The following GRXCR1 variants were observed in gnomAD, a reference collection of about 807,000 sequenced individuals.
The protein encoded by GRXCR1 is glutaredoxin domain-containing cysteine-rich protein 1.
Under a neutral mutation model 27.3 loss-of-function variants are expected in GRXCR1, and 27 were observed. The observed-to-expected ratio is 0.99, with a 90% confidence interval of 0.73 to 1.37. GRXCR1 has a LOEUF of 1.37. Among genes scored for constraint, GRXCR1 ranks in the 40% most tolerant of loss-of-function variants. GRXCR1 has a pLI of 0.00. For synonymous variants in GRXCR1, 122 were observed against 131.1 expected, an observed-to-expected ratio of 0.93 and a Z score of 0.47; for missense variants, 379 against 354.4, an observed-to-expected ratio of 1.07 and a Z score of -0.56.
At chr4:42,995,349 C>T (rs1216543071) in intron 2 of GRXCR1, among the ~76,000 whole-genome samples, 2 of 152,168 alleles carry the variant, frequency 1.3e-5, no homozygotes, top group African/African-American at 4.8e-5. Flanking sequence ...GCACCTTTTA[C>T]TATAAAGAGT....
rs1748404954 is a variant in GRXCR1 at position 42,972,202 on chromosome 4, C to T, written c.627+9068C>T. Among the ~76,000 whole-genome samples the T allele has an allele frequency of 2.0e-5, 3 of 152,136 alleles. No individual in the cohort carries two copies. In the South Asian group the frequency reaches 6.2e-4, roughly 32 times the overall value. On this transcript the variant is annotated intron_variant, in intron 2 of 3. Transcript: ENST00000399770. Reference sequence around the variant, plus strand: ...CATTTTTTATTATTTAACTATGGAACTGATGAAATTTAGGTTTTTATTACT... The same window carrying T: ...CATTTTTTATTATTTAACTATGGAATTGATGAAATTTAGGTTTTTATTACT...
intron 2 of GRXCR1, among the ~76,000 whole-genome samples, chr4:42,968,454 C>A (rs973390265): frequency 2.6e-5 from 4 of 152,098 alleles, no homozygotes; most frequent in African/African-American, 9.7e-5. Flanking sequence ...AATAATGGTT[C>A]TTTTCCACAC....
intron 1 of GRXCR1, among the ~76,000 whole-genome samples, chr4:42,916,976 A>G (rs1419514263): frequency 1.3e-5 from 2 of 152,186 alleles, no homozygotes; most frequent in African/African-American, 4.8e-5. Context: ...TTGAGGATCA[A>G]TAGATTGACA....
intron 2 of GRXCR1, among the ~76,000 whole-genome samples, chr4:42,995,554 A>G (rs990113892): frequency 2.0e-5 from 3 of 152,164 alleles, no homozygotes; most frequent in African/African-American, 7.2e-5. Flanking sequence ...CCACATCCTC[A>G]CTGCAGGAGA....
At chr4:42,987,810 A>G (rs1711828992) in intron 2 of GRXCR1, among the ~76,000 whole-genome samples, 1 of 152,206 alleles carries the variant, frequency 6.6e-6, no homozygotes, top group African/African-American at 2.4e-5. Context: ...TTCCAGATCA[A>G]TTTAGATCTC....
chr4:42,931,768 A>G (rs140857844), intron 1 of GRXCR1, among the ~76,000 whole-genome samples: 3 of 152,064 alleles, frequency 2.0e-5, no homozygotes, highest in Non-Finnish European at 4.4e-5. Context: ...AACAATTTCC[A>G]AGAATATGAT....
At chr4:43,012,350 T>G (rs1259045665) in intron 2 of GRXCR1, among the ~76,000 whole-genome samples, 5 of 152,224 alleles carry the variant, frequency 3.3e-5, no homozygotes, top group African/African-American at 1.2e-4. Flanking sequence ...CTCAATATCT[T>G]GTATAAGAAA....
At chr4:42,931,936 G>A (rs193258448) in intron 1 of GRXCR1, among the ~76,000 whole-genome samples, 2 of 151,904 alleles carry the variant, frequency 1.3e-5, no homozygotes, top group Non-Finnish European at 2.9e-5. Context: ...AGCAAGGGAC[G>A]TCTTACATGG....
At chr4:42,899,687 T>C (rs1347210239) in intron 1 of GRXCR1, among the ~76,000 whole-genome samples, 1 of 152,072 alleles carries the variant, frequency 6.6e-6, no homozygotes, top group Non-Finnish European at 1.5e-5. Context: ...TAGAAGTGAA[T>C]AACAGTGACT....
intron 2 of GRXCR1, among the ~76,000 whole-genome samples, chr4:43,009,706 G>A (rs1289729177): frequency 6.6e-6 from 1 of 151,912 alleles, no homozygotes. Context: ...CTTTTATAAG[G>A]GCATTAATCC....
chr4:43,017,891 T>C (rs1259249992), intron 2 of GRXCR1, among the ~76,000 whole-genome samples: 2 of 152,198 alleles, frequency 1.3e-5, no homozygotes, highest in East Asian at 1.9e-4. Flanking sequence ...AGAAAAAGTG[T>C]GGCAATGAGA....
intron 2 of GRXCR1, among the ~76,000 whole-genome samples, chr4:42,983,817 T>G (rs1210824487): frequency 1.3e-5 from 2 of 151,668 alleles, no homozygotes; most frequent in African/African-American, 4.8e-5. Context: ...TAACCTGTCT[T>G]TATGTTCAGA....
At chr4:42,974,178 G>T (rs1429477489) in intron 2 of GRXCR1, among the ~76,000 whole-genome samples, 8 of 152,082 alleles carry the variant, frequency 5.3e-5, no homozygotes, top group Non-Finnish European at 2.9e-5. Context: ...CTGGGCTGGG[G>T]TTTTTAAGTG....
chr4:42,981,745 G>T (rs529250474), intron 2 of GRXCR1, among the ~76,000 whole-genome samples: 25 of 152,158 alleles, frequency 1.6e-4, no homozygotes, highest in African/African-American at 4.6e-4. Context: ...TACTTTTAAT[G>T]TATCATCCCC....
At chr4:42,895,876 C>A (rs917527500) in intron 1 of GRXCR1, among the ~76,000 whole-genome samples, 1 of 151,934 alleles carries the variant, frequency 6.6e-6, no homozygotes, top group African/African-American at 2.4e-5. Flanking sequence ...TATGACTTTT[C>A]CCCCTATATA....
chr4:42,932,184 C>T (rs919185536), intron 1 of GRXCR1, among the ~76,000 whole-genome samples: 1 of 151,816 alleles, frequency 6.6e-6, no homozygotes, highest in African/African-American at 2.4e-5. Context: ...GCTTATTTCT[C>T]CTGTCTTATT....
At chr4:43,021,217 T>G (rs905181389) in intron 3 of GRXCR1, among the ~76,000 whole-genome samples, 1 of 152,194 alleles carries the variant, frequency 6.6e-6, no homozygotes, top group Non-Finnish European at 1.5e-5. Context: ...TGGCTTCTCA[T>G]GCTTTCTTAC....
chr4:42,932,939 C>A (rs962492549), intron 1 of GRXCR1, among the ~76,000 whole-genome samples: 9 of 151,462 alleles, frequency 5.9e-5, no homozygotes, highest in Admixed American at 6.6e-5. Context: ...CTTTTTCAAA[C>A]TAAGGAAAGG....
intron 2 of GRXCR1, among the ~76,000 whole-genome samples, chr4:42,974,524 C>T (rs28472849): frequency 0.039 from 5,887 of 152,156 alleles, 392 homozygotes; most frequent in African/African-American, 0.13. Context: ...ATCACTAATG[C>T]GGAATGTGCT....
Sources: allele counts gnomAD v4.1 joint callset (sites outside exome capture counted in the v4.1 genomes callset), GRCh38; gene constraint gnomAD v4.1.1; transcripts MANE v1.5; gene names NCBI Gene and HGNC (gene_info 2026-07-23, HGNC 2026-07-21).